The following RIOX2 variants were observed in gnomAD, a reference collection of about 807,000 sequenced individuals.
RIOX2 encodes 60S ribosomal protein L27a histidine hydroxylase.
In RIOX2, 43 loss-of-function variants were observed where a neutral mutation model predicts 51.2. The ratio of observed to expected loss-of-function variants is 0.84; its 90% CI spans 0.66 to 1.08. RIOX2 has a LOEUF of 1.08. Among genes scored for constraint, RIOX2 ranks in the 50% least tolerant of loss-of-function variants. The probability of loss-of-function intolerance (pLI) is 0.00; values close to 1 mark genes in which losing one functional copy is unlikely to be tolerated. For synonymous variants in RIOX2, 226 were observed against 218.5 expected, an observed-to-expected ratio of 1.03 and a Z score of -0.30; for missense variants, 566 against 561.7, an observed-to-expected ratio of 1.01 and a Z score of -0.08.
At chr3:97,963,228 A>G (rs1705751395) in intron 2 of RIOX2, among the ~76,000 whole-genome samples, 4 of 152,172 alleles carry the variant, frequency 2.6e-5, no homozygotes, top group Admixed American at 2.6e-4. Flanking sequence ...GGCTTAAATG[A>G]TCCTCCCATC....
intron 7 of RIOX2, among the ~76,000 whole-genome samples, chr3:97,948,477 G>A (rs2040411101): frequency 6.6e-6 from 1 of 152,008 alleles, no homozygotes; most frequent in African/African-American, 2.4e-5. Flanking sequence ...ACCATGATAG[G>A]TCAAAACAAA....
At chr3:97,968,455 A>G (rs1438719663) in intron 1 of RIOX2, among the ~76,000 whole-genome samples, 1 of 152,186 alleles carries the variant, frequency 6.6e-6, no homozygotes, top group African/African-American at 2.4e-5. Context: ...CACACAGATC[A>G]CCTTAGCATC....
Position 97,945,099 on chromosome 3 carries a change from G to C in RIOX2, c.*85C>G, listed in dbSNP as rs74324379. 5.4e-4 allele frequency: 691 copies of C among 1,277,794 alleles called. 6 individuals are homozygous for C. In the East Asian group the frequency reaches 0.016, roughly 29 times the overall value. 79.2% of individuals were successfully genotyped at this position (1,277,794 alleles called of 1,614,324 possible). ...AGTAGATACGCAGGTAAGGAAACTTGAATTCATCCTCTCCTCGGCTCAGGT... is the reference window on the plus strand; with the variant it reads ...AGTAGATACGCAGGTAAGGAAACTTCAATTCATCCTCTCCTCGGCTCAGGT... On this transcript the variant is annotated 3_prime_UTR_variant, in exon 10 of 10. Transcript: ENST00000394198.
intron 5 of RIOX2, chr3:97,952,075 A>C: frequency 1.2e-6 from 1 of 866,578 alleles, no homozygotes; most frequent in Non-Finnish European, 1.7e-6. Flanking sequence ...CAACCAAATC[A>C]ACAACATACA....
chr3:97,962,190 AGACTCAATGTAAAG>A (rs1321216752), intron 2 of RIOX2, among the ~76,000 whole-genome samples: 2 of 152,182 alleles, frequency 1.3e-5, no homozygotes, highest in East Asian at 3.9e-4. Context: ...ACTTGCCGAC[AGACTCAATGTAAAG>A]GAGCGGAGTT....
At chr3:97,959,305 G>A (rs1242041875) in intron 3 of RIOX2, 126 bp from the exon 4 acceptor site, 5 of 423,452 alleles carry the variant, frequency 1.2e-5, no homozygotes, top group Non-Finnish European at 1.9e-5. Flanking sequence ...GAACAACACA[G>A]GTTTTTTTTT....
In RIOX2 at chr3:97,943,257, T is replaced by G. The variant is rs748304854; in HGVS notation, c.*1927A>C. 2.3e-5 allele frequency: 36 copies of G among 1,591,720 alleles called. No homozygotes were observed. In the South Asian group the frequency reaches 3.1e-4, roughly 14 times the overall value. ...ATTATTGTGACAAGACTCATGTAAT[T>G]GTAAATCAGCCCCTGGAGGGAGAAG... On this transcript the variant is annotated 3_prime_UTR_variant, in exon 10 of 10. Coordinates refer to ENST00000394198, the MANE Select transcript of RIOX2 (RefSeq NM_153182.4).
At chr3:97,946,688 C>T (rs1175423104) in intron 8 of RIOX2, among the ~76,000 whole-genome samples, 1 of 150,578 alleles carries the variant, frequency 6.6e-6, no homozygotes, top group African/African-American at 2.5e-5. Flanking sequence ...ATGTTGAGTG[C>T]CCCTCTCATC....
chr3:97,956,469 A>G (rs1023535171), intron 4 of RIOX2, among the ~76,000 whole-genome samples: 1 of 152,172 alleles, frequency 6.6e-6, no homozygotes, highest in African/African-American at 2.4e-5. Context: ...AGAAAAACTC[A>G]GACAGACATA....
chr3:97,947,288 A>C, intron 8 of RIOX2, 73 bp downstream of exon 8: 3 of 1,134,826 alleles, frequency 2.6e-6, no homozygotes, highest in South Asian at 2.5e-5. Context: ...ACCAGTGGTT[A>C]ATCTAATAAC....
intron 8 of RIOX2, 111 bp from the exon 9 acceptor site, chr3:97,945,998 G>A: frequency 1.4e-6 from 1 of 702,752 alleles, no homozygotes; most frequent in Admixed American, 2.9e-5. Flanking sequence ...AAAAGCCTTG[G>A]TGCTCAAGTG....
Position 97,959,089 on chromosome 3 carries a change from C to T in RIOX2, c.643G>A (p.Glu215Lys), listed in dbSNP as rs145838858. 71 of 1,613,774 alleles carry T rather than the reference C, an allele frequency of 4.4e-5. No individual in the cohort carries two copies. In the African/African-American group the frequency reaches 7.7e-4, roughly 18 times the overall value. ...LAREYSVEAE[E>K]RIGRPVHEFM... ...TCATGCACCGGCCTGCCGATCCTTT[C>T]CTCGGCCTCCACGCTGTACTCTCGT... Residue 215 changes from glutamate to lysine, a missense_variant, in exon 4 of 10, where the codon GAA (glutamate) becomes AAA (lysine). Transcript: ENST00000394198.
intron 2 of RIOX2, among the ~76,000 whole-genome samples, chr3:97,963,801 A>G (rs990119729): frequency 5.3e-5 from 8 of 152,216 alleles, no homozygotes; most frequent in African/African-American, 1.9e-4. Flanking sequence ...TTTCATCTGG[A>G]CCTTTAGCCT....
chr3:97,947,225 C>G, intron 8 of RIOX2, 136 bp downstream of exon 8: 1 of 679,930 alleles, frequency 1.5e-6, no homozygotes. Flanking sequence ...ATCATCTGAC[C>G]TGAAGAAATG....
rs376655307 is a variant in RIOX2 at position 97,954,482 on chromosome 3, A to G, written c.695T>C (p.Leu232Ser). The G allele has an allele frequency of 1.9e-6, 3 of 1,614,036 alleles. No homozygotes were observed. Among genetic ancestry groups the G allele is most frequent in the Non-Finnish European group, 2.5e-6 (3 of 1,179,938 alleles). The change falls in exon 5 of 10, where the codon TTG becomes TCG. Residue 232 changes from leucine (L) to serine (S), a missense_variant. Leu to Ser is a moderately radical substitution (Grantham distance 145, BLOSUM62 -2). Coordinates refer to ENST00000394198, the MANE Select transcript of RIOX2 (RefSeq NM_153182.4). ...ATGAATGGTTCCTCTGGGAAAGTAC[A>G]ACAAATCACCCGGCTAAAGGAAGGA... ...HEFMLKPGDL[L>S]YFPRGTIHQA...
rs773359920 is a variant in RIOX2, at chr3:97,947,497, G to A, written c.1061-48C>T. ...AGCCGACCTTCAAAAAAGGAAACAG[G>A]CAGATTCAAACTTGCTTATACATAC... On this transcript the variant is annotated intron_variant, in intron 7 of 9. Transcript: ENST00000394198. 2.7e-6 allele frequency: 4 copies of A among 1,485,860 alleles called. No homozygotes were observed. The South Asian group carries it at 4.5e-5, about 17-fold the overall frequency. 92.0% of individuals were successfully genotyped at this position (1,485,860 alleles called of 1,614,324 possible). A position where few individuals can be genotyped will look rare whatever the true frequency, so the allele number is the denominator to read the frequency against.
At chr3:97,969,165 C>T (rs1374248401) in intron 1 of RIOX2, among the ~76,000 whole-genome samples, 1 of 151,852 alleles carries the variant, frequency 6.6e-6, no homozygotes, top group Non-Finnish European at 1.5e-5. Context: ...AAACACAGGA[C>T]ATGGTGGAAG....
At chr3:97,968,842 G>A (rs201066614) in intron 1 of RIOX2, among the ~76,000 whole-genome samples, 1 of 44,214 alleles carries the variant, frequency 2.3e-5, no homozygotes, top group African/African-American at 4.7e-5. Flanking sequence ...TGAAAGACTT[G>A]TTATTTATAA....
intron 8 of RIOX2, 115 bp from the exon 9 acceptor site, chr3:97,946,002 T>C: frequency 1.4e-6 from 1 of 691,868 alleles, no homozygotes; most frequent in Admixed American, 2.9e-5. Flanking sequence ...GCCTTGGTGC[T>C]CAAGTGAAAT....
Sources: allele counts gnomAD v4.1 joint callset (sites outside exome capture counted in the v4.1 genomes callset), GRCh38; gene constraint gnomAD v4.1.1; transcripts MANE v1.5; gene names NCBI Gene and HGNC (gene_info 2026-07-23, HGNC 2026-07-21).